PLCE1: variants seen among roughly 807,000 people sequenced by gnomAD.
PLCE1 encodes the protein 1-phosphatidylinositol 4,5-bisphosphate phosphodiesterase epsilon-1.
A neutral mutation model predicts 242.8 loss-of-function variants in PLCE1; 119 were observed. The ratio of observed to expected loss-of-function variants is 0.49; its 90% confidence interval spans 0.42 to 0.57. The LOEUF is 0.57. PLCE1 is among the 20% of genes least tolerant of loss of function. PLCE1 has a pLI of 0.00. For missense variants in PLCE1, 2,441 were observed against 2,788.8 expected (o/e 0.88, Z 2.81); for synonymous variants, 945 against 1,017.4 (o/e 0.93, Z 1.35).
Position 94,002,528 on chromosome 10 carries a change from A to T in PLCE1, c.-365+8270A>T, listed in dbSNP as rs114997088. On this transcript the variant is annotated intron_variant, in intron 1 of 32. Coordinates refer to ENST00000371380, the MANE Select transcript of PLCE1 (RefSeq NM_016341.4). ...CATTTAGGAGATACTCATTTTTAAA[A>T]AAATCTTTAATCCAAAAATAATTTT... Among the ~76,000 whole-genome samples, 1,043 of 152,372 alleles carry T rather than the reference A, an allele frequency of 6.8e-3. 6 individuals are homozygous for T. The highest frequency in any genetic ancestry group is 0.024 in the African/African-American group (992 of 41,590).
chr10:94,036,745 G>A (rs559726066), intron 2 of PLCE1, among the ~76,000 whole-genome samples: 1 of 152,232 alleles, frequency 6.6e-6, no homozygotes, highest in East Asian at 1.9e-4. Context: ...CCTGAATTTT[G>A]AGGAGTTTAG....
chr10:94,058,228 G>A (rs911595912), intron 2 of PLCE1, among the ~76,000 whole-genome samples: 6 of 152,150 alleles, frequency 3.9e-5, no homozygotes, highest in African/African-American at 1.2e-4. Context: ...ATTGTCAAGT[G>A]CTCCATAAAC....
chr10:94,018,335 C>T (rs1018631350), intron 1 of PLCE1, among the ~76,000 whole-genome samples: 2 of 152,144 alleles, frequency 1.3e-5, no homozygotes, highest in African/African-American at 4.8e-5. Context: ...CTTTGACCTG[C>T]TATGAGAACT....
At chr10:94,094,029 C>T (rs1477157847) in intron 2 of PLCE1, among the ~76,000 whole-genome samples, 1 of 143,546 alleles carries the variant, frequency 7.0e-6, no homozygotes, top group East Asian at 2.0e-4. Context: ...GCAAGCTCCG[C>T]CTCCCGGGTT....
At chr10:94,030,082 G>A (rs759561388) in intron 1 of PLCE1, among the ~76,000 whole-genome samples, 3 of 152,154 alleles carry the variant, frequency 2.0e-5, no homozygotes, top group Non-Finnish European at 4.4e-5. Flanking sequence ...TTTTTGCTGG[G>A]TATAGAATTT....
intron 3 of PLCE1, among the ~76,000 whole-genome samples, chr10:94,150,770 G>A (rs1183368213): frequency 1.3e-5 from 2 of 152,176 alleles, no homozygotes; most frequent in Non-Finnish European, 2.9e-5. Flanking sequence ...TCCCACTTCA[G>A]AGCCCATGCC....
rs554159388 is a variant in PLCE1 at position 94,171,494 on chromosome 10, G to C, written c.1807G>C (p.Glu603Gln). Residue 603 changes from glutamate to glutamine, a missense_variant and splice_region_variant, in exon 4 of 33, where the codon GAG (glutamate) becomes CAG (glutamine). Glu to Gln is a conservative substitution (Grantham distance 29, BLOSUM62 2). Coordinates refer to ENST00000371380, the MANE Select transcript of PLCE1 (RefSeq NM_016341.4). Reference protein sequence around the residue: ...ALEDLVMRFNEVSSWVTWLIL... With the variant: ...ALEDLVMRFNQVSSWVTWLIL... ...TGAAGATCTGGTGATGAGGTTTAATGAGGTAAGAAGCCACTTTTTGATGTC... is the reference window on the plus strand; with the variant it reads ...TGAAGATCTGGTGATGAGGTTTAATCAGGTAAGAAGCCACTTTTTGATGTC... 6.2e-7 allele frequency: 1 copy of C among 1,613,114 alleles called. No individual in the cohort carries two copies. Among genetic ancestry groups the C allele is most frequent in the Non-Finnish European group, 8.5e-7 (1 of 1,179,088 alleles).
At chr10:94,128,620 G>T (rs1224007305) in intron 2 of PLCE1, among the ~76,000 whole-genome samples, 1 of 152,134 alleles carries the variant, frequency 6.6e-6, no homozygotes, top group Non-Finnish European at 1.5e-5. Flanking sequence ...TTTATTAATA[G>T]TTTCTTGGAG....
Position 94,177,830 on chromosome 10 carries a change from T to C in PLCE1, c.1809+6334T>C, listed in dbSNP as rs549809613. Among the ~76,000 whole-genome samples, 10 of 152,314 alleles carry C rather than the reference T, an allele frequency of 6.6e-5. 1 individual carries two copies. In the South Asian group the frequency reaches 1.2e-3, roughly 19 times the overall value. ...ATTTTACCAAAAAGATTACATACTT[T>C]AGTGCATGCAGGTGAAAAGAGAGGA... On this transcript the variant is annotated intron_variant, in intron 4 of 32. Transcript: ENST00000371380.
intron 16 of PLCE1, 86 bp downstream of exon 16, chr10:94,266,044 C>T: frequency 7.8e-7 from 1 of 1,287,024 alleles, no homozygotes; most frequent in South Asian, 1.2e-5. Flanking sequence ...TGACCCCAGA[C>T]TCCTTTGAAG....
At chr10:94,260,020 C>G (rs1159028229) in intron 13 of PLCE1, among the ~76,000 whole-genome samples, 1 of 152,180 alleles carries the variant, frequency 6.6e-6, no homozygotes, top group Non-Finnish European at 1.5e-5. Flanking sequence ...CTACCTCCCA[C>G]CAGGTCCCTT....
At chr10:94,276,486 C>T (rs1253133065) in intron 19 of PLCE1, among the ~76,000 whole-genome samples, 1 of 152,100 alleles carries the variant, frequency 6.6e-6, no homozygotes, top group Non-Finnish European at 1.5e-5. Flanking sequence ...TCAGAATTTC[C>T]AGAAGAAAGG....
intron 1 of PLCE1, among the ~76,000 whole-genome samples, chr10:93,999,884 C>G (rs781106174): frequency 1.3e-5 from 2 of 152,230 alleles, no homozygotes; most frequent in Non-Finnish European, 2.9e-5. Flanking sequence ...GAATGGCCCT[C>G]TGTAACTGCC....
intron 23 of PLCE1, among the ~76,000 whole-genome samples, chr10:94,295,396 C>T (rs982680468): frequency 6.6e-6 from 1 of 152,184 alleles, no homozygotes; most frequent in Non-Finnish European, 1.5e-5. Flanking sequence ...GAAGCAACTC[C>T]TCATCCATTC....
intron 24 of PLCE1, among the ~76,000 whole-genome samples, chr10:94,303,770 A>G (rs1006011927): frequency 6.6e-6 from 1 of 152,212 alleles, no homozygotes; most frequent in African/African-American, 2.4e-5. Context: ...TGGGTTCCAC[A>G]TCTGTGGATT....
intron 3 of PLCE1, among the ~76,000 whole-genome samples, chr10:94,165,261 G>A (rs2047757210): frequency 1.3e-5 from 2 of 152,240 alleles, no homozygotes; most frequent in South Asian, 4.1e-4. Context: ...GCCTCCTTGA[G>A]CTGCAGTGGA....
In PLCE1 at chr10:94,241,649, G is replaced by A. The variant is rs555850406; in HGVS notation, c.2421-4297G>A. ...TACTAAAAATACAAAAATTAGCCGG[G>A]TGTGGTGGCGGGCACCTGTAATCCC... On this transcript the variant is annotated intron_variant, in intron 7 of 32. Coordinates refer to ENST00000371380, the MANE Select transcript of PLCE1 (RefSeq NM_016341.4). Among the ~76,000 whole-genome samples, 88 of 152,250 alleles carry A rather than the reference G, an allele frequency of 5.8e-4. 1 individual carries two copies. Among genetic ancestry groups the A allele is most frequent in the African/African-American group, 1.9e-3 (81 of 41,550 alleles).
rs2134112691 is a variant in PLCE1 at position 93,994,018 on chromosome 10, G to T, written c.-605G>T. ...GGGCAACGTGGGCAACGCGGCGGGC[G>T]GCGGGCTCGCGCGGCGGGAGGGGCA... On this transcript the variant is annotated 5_prime_UTR_variant, in exon 1 of 33. Coordinates refer to ENST00000371380, the MANE Select transcript of PLCE1 (RefSeq NM_016341.4). Among the ~76,000 whole-genome samples the T allele has an allele frequency of 6.6e-6, 1 of 151,826 alleles. No homozygotes were observed. Among genetic ancestry groups the T allele is most frequent in the Admixed American group, 6.6e-5 (1 of 15,248 alleles).
chr10:94,292,595 A>G (rs2133443617), intron 22 of PLCE1, among the ~76,000 whole-genome samples: 1 of 152,300 alleles, frequency 6.6e-6, no homozygotes, highest in South Asian at 2.1e-4. Flanking sequence ...CTTGTGTGAG[A>G]TTGCCCTGCT....
Sources: gnomAD v4.1 joint callset for allele counts (sites outside exome capture counted in the v4.1 genomes callset) on GRCh38, gnomAD v4.1.1 for gene constraint, MANE v1.5 for transcripts, NCBI Gene and HGNC (gene_info 2026-07-23, HGNC 2026-07-21) for gene names.